The following OVOL2 variants were observed in gnomAD, a reference collection of about 807,000 sequenced individuals.
The protein encoded by OVOL2 is ovo like zinc finger 2.
In OVOL2, 13 loss-of-function variants were observed where a neutral mutation model predicts 18.1. The ratio of observed to expected loss-of-function variants is 0.72; its 90% CI spans 0.47 to 1.14. OVOL2 has a LOEUF of 1.14. OVOL2 is among the 50% of genes most tolerant of loss of function. The probability of loss-of-function intolerance (pLI) is 0.00; values close to 1 mark genes in which losing one functional copy is unlikely to be tolerated. For missense variants in OVOL2, 335 were observed against 383.0 expected, an observed-to-expected ratio of 0.87 and a Z score of 1.05; for synonymous variants, 166 against 162.7, an observed-to-expected ratio of 1.02 and a Z score of -0.16.
At chr20:18,032,040 G>A (rs1195483747) in intron 3 of OVOL2, among the ~76,000 whole-genome samples, 3 of 152,058 alleles carry the variant, frequency 2.0e-5, no homozygotes, top group Non-Finnish European at 4.4e-5. Flanking sequence ...CAGCCTCCCC[G>A]GAAGGCAATT....
At chr20:18,039,600 G>A (rs1368968688) in intron 3 of OVOL2, among the ~76,000 whole-genome samples, 3 of 98,338 alleles carry the variant, frequency 3.1e-5, no homozygotes, top group Non-Finnish European at 6.4e-5. Context: ...AGAGCAAGAC[G>A]CTGTCTCAAA....
chr20:18,049,571 C>CCATTTCCTTAGACTTCA (rs560594161), intron 2 of OVOL2, among the ~76,000 whole-genome samples: 1,619 of 149,292 alleles, frequency 0.011, 15 homozygotes, highest in Middle Eastern at 0.038. Flanking sequence ...ATCCTATGTA[C>CCATTTCCTTAGACTTCA]CATTTCCTTA....
intron 3 of OVOL2, among the ~76,000 whole-genome samples, chr20:18,038,416 T>C (rs1195132832): frequency 6.6e-6 from 1 of 152,154 alleles, no homozygotes; most frequent in Non-Finnish European, 1.5e-5. Context: ...AAAATTAAGG[T>C]GAAAGACGAA....
intron 3 of OVOL2, among the ~76,000 whole-genome samples, chr20:18,031,279 T>C (rs1413647490): frequency 6.6e-6 from 1 of 152,224 alleles, no homozygotes; most frequent in Non-Finnish European, 1.5e-5. Context: ...AGCTCTTGCA[T>C]GGCTGCTGTG....
At chr20:18,044,716 G>A (rs1233877949) in intron 2 of OVOL2, among the ~76,000 whole-genome samples, 1 of 152,092 alleles carries the variant, frequency 6.6e-6, no homozygotes, top group African/African-American at 2.4e-5. Flanking sequence ...GAGGCCCAGG[G>A]GTCCGAGGGG....
chr20:18,035,070 T>G (rs2036603537), intron 3 of OVOL2, among the ~76,000 whole-genome samples: 1 of 152,238 alleles, frequency 6.6e-6, no homozygotes, highest in African/African-American at 2.4e-5. Flanking sequence ...TTATGTTAAG[T>G]GTCTATATCT....
chr20:18,031,240 C>T (rs899150984), intron 3 of OVOL2, among the ~76,000 whole-genome samples: 5 of 152,260 alleles, frequency 3.3e-5, no homozygotes, highest in Non-Finnish European at 4.4e-5. Context: ...CCCGAAAGGC[C>T]GTTTCCTCAC....
chr20:18,026,315 T>G (rs186709576), intron 3 of OVOL2, among the ~76,000 whole-genome samples: 9 of 152,224 alleles, frequency 5.9e-5, no homozygotes, highest in African/African-American at 1.9e-4. Flanking sequence ...CCTGGAGAAC[T>G]TTTGAAAATC....
intron 2 of OVOL2, chr20:18,050,768 C>T (rs1049292060): frequency 6.6e-6 from 1 of 152,188 alleles, no homozygotes; most frequent in Non-Finnish European, 1.5e-5. Context: ...AATTCTTGTT[C>T]TGTGTTCACT....
At chr20:18,025,094 T>C (rs1220843450) in intron 3 of OVOL2, 142 bp from the exon 4 acceptor site, 7 of 986,842 alleles carry the variant, frequency 7.1e-6, no homozygotes, top group Non-Finnish European at 1.0e-5. Context: ...GAGAAAACTG[T>C]CTACAAAAAA....
At position 18,056,900 on chromosome 20, in the gene OVOL2, C is replaced by T; in HGVS notation, c.101-23G>A. On this transcript the variant is annotated intron_variant, in intron 1 of 3. Transcript: ENST00000278780. The surrounding 1 kb of genome is among the most constrained non-coding windows in gnomAD (Gnocchi z 4.2). ...CCACTGTGGAGGGAGGGGCCGCGCC[C>T]CGACACACACACTCGGCGTCAACCC... is the stretch of plus-strand genomic sequence containing the variant. The T allele has an allele frequency of 1.4e-6, 2 of 1,475,274 alleles. No individual in the cohort carries two copies. Among genetic ancestry groups the T allele is most frequent in the Non-Finnish European group, 1.8e-6 (2 of 1,121,190 alleles). 91.4% of individuals were successfully genotyped at this position (1,475,274 alleles called of 1,614,324 possible).
chr20:18,057,045 A>G lies in OVOL2; in HGVS notation c.101-168T>C, dbSNP rs973500551. 3.3e-5 allele frequency among the ~76,000 whole-genome samples: 5 copies of G among 152,008 alleles called. No individual in the cohort carries two copies. Among genetic ancestry groups the G allele is most frequent in the Non-Finnish European group, 5.9e-5 (4 of 67,976 alleles). On this transcript the variant is annotated intron_variant, in intron 1 of 3. Transcript: ENST00000278780. This position sits in a 1 kb window ranked among gnomAD's most constrained non-coding sequence, Gnocchi z 6.3. ...CAGTAAGCCCCGAATCGGCCCACAG[A>G]GCTAGCTTGGGGTGCTCGGAGCCTC...
intron 3 of OVOL2, among the ~76,000 whole-genome samples, chr20:18,027,200 G>C (rs1027393737): frequency 6.6e-6 from 1 of 152,040 alleles, no homozygotes; most frequent in African/African-American, 2.4e-5. Flanking sequence ...AATTCCCGTA[G>C]GCCATATCAG....
At chr20:18,031,662 T>C (rs1279190995) in intron 3 of OVOL2, among the ~76,000 whole-genome samples, 3 of 152,250 alleles carry the variant, frequency 2.0e-5, no homozygotes, top group Non-Finnish European at 4.4e-5. Context: ...CCTATATGTA[T>C]ACTTTTGTAC....
chr20:18,056,201 G>C lies in OVOL2; in HGVS notation c.321+456C>G, dbSNP rs2036822787. 6.6e-6 allele frequency among the ~76,000 whole-genome samples: 1 copy of C among 152,186 alleles called. No individual in the cohort carries two copies. Among genetic ancestry groups the C allele is most frequent in the Non-Finnish European group, 1.5e-5 (1 of 68,004 alleles). On this transcript the variant is annotated intron_variant, in intron 2 of 3. Transcript: ENST00000278780. The surrounding 1 kb of genome is among the most constrained non-coding windows in gnomAD (Gnocchi z 4.2). Reference sequence around the variant, plus strand: ...CCGCCCAGGTCCAGAACATAAGCATGGGGGGTGAACTCTCAGAATCGCGGC... The same window carrying C: ...CCGCCCAGGTCCAGAACATAAGCATCGGGGGTGAACTCTCAGAATCGCGGC...
chr20:18,041,552 G>A lies in OVOL2; in HGVS notation c.493C>T (p.His165Tyr). 1 of 1,613,456 alleles carries A rather than the reference G, an allele frequency of 6.2e-7. No homozygotes were observed. Among genetic ancestry groups the A allele is most frequent in the Non-Finnish European group, 8.5e-7 (1 of 1,179,436 alleles). ...CGCTCACCTGTGTGTGTGCGGACGT[G>A]CCTCTTCAGGTCGAAGGTGTCGTTG... ...GFNDTFDLKR[H>Y]VRTHTGIRPY... Residue 165 changes from histidine (H) to tyrosine (Y), a missense_variant, in exon 3 of 4, where the codon CAC becomes TAC. By Grantham distance (83) the His-to-Tyr change is moderately conservative (BLOSUM62 2). Transcript: ENST00000278780.
intron 2 of OVOL2, among the ~76,000 whole-genome samples, chr20:18,047,853 C>CAAAAAAAAAAAAAAA (rs34668253): frequency 4.2e-5 from 2 of 47,156 alleles, no homozygotes; most frequent in Admixed American, 3.2e-4. Flanking sequence ...GACTCCGTCT[C>CAAAAAAAAAAAAAAA]AAAAAAAAAA....
At chr20:18,037,135 C>CAAAAAAAAAAA (rs762848266) in intron 3 of OVOL2, among the ~76,000 whole-genome samples, 10 of 73,396 alleles carry the variant, frequency 1.4e-4, no homozygotes, top group African/African-American at 2.8e-4. Flanking sequence ...GACTCCGTCT[C>CAAAAAAAAAAA]AAAAAAAAAA....
At chr20:18,058,786 A>G (rs1341593593), upstream of OVOL2, 1 of 152,174 alleles carries the variant, frequency 6.6e-6, no homozygotes, top group Non-Finnish European at 1.5e-5. Flanking sequence ...TGCATTTATT[A>G]TTATATCTGT....
Sources: gnomAD v4.1 joint callset for allele counts (sites outside exome capture counted in the v4.1 genomes callset) on GRCh38, gnomAD v4.1.1 for gene constraint, Gnocchi (gnomAD v3.1) non-coding constraint, MANE v1.5 for transcripts, NCBI Gene and HGNC (gene_info 2026-07-23, HGNC 2026-07-21) for gene names.